The following HMCN1 variants were observed in gnomAD, a reference collection of about 807,000 sequenced individuals.
The protein encoded by HMCN1 is hemicentin 1.
In HMCN1, 321 loss-of-function variants were observed where a neutral mutation model predicts 625.9. The observed-to-expected ratio is 0.51, with a 90% CI of 0.47 to 0.56. The LOEUF is 0.56. HMCN1 is among the 20% of genes least tolerant of loss of function. The pLI is 0.00. For missense variants in HMCN1, 6,588 were observed against 6,887.3 expected (o/e 0.96, Z 1.54); for synonymous variants, 2,425 against 2,417.6 (o/e 1.00, Z -0.09).
chr1:186,039,726 A>G lies in HMCN1; in HGVS notation c.6029-2A>G. The G allele has an allele frequency of 6.2e-7, 1 of 1,613,298 alleles. No homozygotes were observed. The highest frequency in any genetic ancestry group is 8.5e-7 in the Non-Finnish European group (1 of 1,179,422). ...TGTCTTACTTTCATTTGTTTTTTTC[A>G]GTGGCCCCATCAATTTCTGGCAGCA... On this transcript the variant is annotated splice_acceptor_variant, in intron 38 of 106. Coordinates refer to ENST00000271588, the MANE Select transcript of HMCN1 (RefSeq NM_031935.3). LOFTEE classifies it high-confidence loss of function.
chr1:186,075,644 T>C (rs1481465191), intron 53 of HMCN1, among the ~76,000 whole-genome samples: 1 of 152,168 alleles, frequency 6.6e-6, no homozygotes, highest in Non-Finnish European at 1.5e-5. Flanking sequence ...CTCTTGATGT[T>C]GCTAACTATT....
chr1:186,111,310 A>G (rs1200009476), intron 71 of HMCN1, among the ~76,000 whole-genome samples: 1 of 152,110 alleles, frequency 6.6e-6, no homozygotes, highest in African/African-American at 2.4e-5. Flanking sequence ...ATGAGACTTA[A>G]TAAGTTAGCA....
chr1:186,114,295 T>C (rs1039593987), intron 73 of HMCN1, among the ~76,000 whole-genome samples, 172 bp downstream of exon 73: 3 of 152,128 alleles, frequency 2.0e-5, no homozygotes, highest in Non-Finnish European at 4.4e-5. Flanking sequence ...CTTGCTCTGT[T>C]GCCCAGGCTG....
chr1:186,132,851 C>T (rs1662018295), intron 86 of HMCN1, among the ~76,000 whole-genome samples: 1 of 151,890 alleles, frequency 6.6e-6, no homozygotes, highest in Non-Finnish European at 1.5e-5. Context: ...TGTCCATGTT[C>T]TCATTGTTCA....
intron 44 of HMCN1, among the ~76,000 whole-genome samples, chr1:186,054,364 G>T (rs1262696766): frequency 6.6e-6 from 1 of 151,960 alleles, no homozygotes; most frequent in African/African-American, 2.4e-5. Flanking sequence ...GAGTGCTTAA[G>T]ATAGTTATAT....
chr1:185,748,252 T>G (rs1654559454), intron 1 of HMCN1, among the ~76,000 whole-genome samples: 1 of 152,064 alleles, frequency 6.6e-6, no homozygotes, highest in South Asian at 2.1e-4. Context: ...TCTATTGTTT[T>G]CATATTCCCC....
At chr1:185,858,632 T>TTTTTTTTG in intron 2 of HMCN1, among the ~76,000 whole-genome samples, 1 of 121,026 alleles carries the variant, frequency 8.3e-6, no homozygotes, top group African/African-American at 3.3e-5. Flanking sequence ...TTTTTTTTTT[T>TTTTTTTTG]TAGAGACGGG....
chr1:186,100,061 G>T (rs550391803), intron 68 of HMCN1, among the ~76,000 whole-genome samples: 1 of 152,028 alleles, frequency 6.6e-6, no homozygotes, highest in Non-Finnish European at 1.5e-5. Flanking sequence ...CATGTGGCAG[G>T]GGGAGGGGGA....
At chr1:185,944,961 T>G (rs1233517843) in intron 11 of HMCN1, among the ~76,000 whole-genome samples, 1 of 152,214 alleles carries the variant, frequency 6.6e-6, no homozygotes, top group Non-Finnish European at 1.5e-5. Context: ...TTGTTTAATA[T>G]TTTTTGTGTT....
chr1:185,780,302 A>G (rs1443040483), intron 1 of HMCN1, among the ~76,000 whole-genome samples: 1 of 152,194 alleles, frequency 6.6e-6, no homozygotes, highest in Non-Finnish European at 1.5e-5. Flanking sequence ...AACAGGGACA[A>G]TTTGACTTCC....
intron 77 of HMCN1, among the ~76,000 whole-genome samples, chr1:186,118,715 C>G (rs529187050): frequency 2.0e-5 from 3 of 152,306 alleles, no homozygotes; most frequent in Non-Finnish European, 4.4e-5. Flanking sequence ...AGATGAACCT[C>G]AAAAACATTA....
chr1:186,176,708 T>C (rs933419179), intron 103 of HMCN1: 1 of 152,182 alleles, frequency 6.6e-6, no homozygotes, highest in African/African-American at 2.4e-5. Flanking sequence ...AAAACAAATA[T>C]ACAATTTCAG....
At chr1:185,935,050 C>T (rs1053358065) in intron 11 of HMCN1, among the ~76,000 whole-genome samples, 10 of 152,010 alleles carry the variant, frequency 6.6e-5, no homozygotes, top group Admixed American at 2.0e-4. Flanking sequence ...TAATATGAGT[C>T]GATCCAAGTT....
intron 1 of HMCN1, among the ~76,000 whole-genome samples, chr1:185,807,479 G>A (rs1319609001): frequency 6.6e-6 from 1 of 152,086 alleles, no homozygotes; most frequent in Non-Finnish European, 1.5e-5. Context: ...ATTCACATAT[G>A]GTTATATGCA....
chr1:185,859,057 GTGTGTA>G (rs1282693627), intron 2 of HMCN1, among the ~76,000 whole-genome samples: 1 of 131,780 alleles, frequency 7.6e-6, no homozygotes, highest in East Asian at 2.3e-4. Context: ...GTGTGTGTGT[GTGTGTA>G]TGTATACATA....
chr1:186,187,519 T>TA (rs1168565933), intron 105 of HMCN1, among the ~76,000 whole-genome samples: 1 of 152,214 alleles, frequency 6.6e-6, no homozygotes, highest in Non-Finnish European at 1.5e-5. Flanking sequence ...AAATGTCCTT[T>TA]AAATTTTTGG....
intron 1 of HMCN1, among the ~76,000 whole-genome samples, chr1:185,784,293 C>T (rs541918756): frequency 1.1e-3 from 174 of 152,328 alleles, no homozygotes; most frequent in African/African-American, 4.1e-3. Flanking sequence ...TGACCCCTTG[C>T]ACTTCCCGGG....
chr1:186,086,795 T>TGATA (rs1553292612), intron 58 of HMCN1, among the ~76,000 whole-genome samples: 3 of 121,382 alleles, frequency 2.5e-5, no homozygotes, highest in East Asian at 2.3e-4. Context: ...GATAGATAGA[T>TGATA]GATAGATAGA....
chr1:185,823,562 T>C (rs1294020556), intron 1 of HMCN1, among the ~76,000 whole-genome samples: 2 of 152,182 alleles, frequency 1.3e-5, no homozygotes, highest in East Asian at 1.9e-4. Flanking sequence ...AAGATGCTTA[T>C]TTTCATGACC....
Sources: allele counts gnomAD v4.1 joint callset (sites outside exome capture counted in the v4.1 genomes callset), GRCh38; gene constraint gnomAD v4.1.1; transcripts MANE v1.5; gene names NCBI Gene and HGNC (gene_info 2026-07-23, HGNC 2026-07-21).